Variants in KIF6 observed in about 807,000 individuals in gnomAD.
KIF6 encodes kinesin family member 6.
KIF6 carries 106 observed loss-of-function variants against 112.7 expected under a neutral mutation model. The observed-to-expected ratio is 0.94, with a 90% CI of 0.80 to 1.11. KIF6 has a LOEUF of 1.11. KIF6 is among the 50% of genes least tolerant of loss of function. KIF6 has a pLI of 0.00. For synonymous variants in KIF6, 339 were observed against 339.9 expected, an observed-to-expected ratio of 1.00 and a Z score of 0.03; for missense variants, 929 against 964.0, an observed-to-expected ratio of 0.96 and a Z score of 0.48.
chr6:39,478,092 T>G (rs1774548996), intron 13 of KIF6, among the ~76,000 whole-genome samples: 1 of 152,164 alleles, frequency 6.6e-6, no homozygotes, highest in African/African-American at 2.4e-5. Context: ...GGTATTTGGT[T>G]ACATGAGTAA....
At chr6:39,588,466 G>T (rs111771615) in intron 7 of KIF6, among the ~76,000 whole-genome samples, 2,095 of 152,134 alleles carry the variant, frequency 0.014, 47 homozygotes, top group African/African-American at 0.048. Flanking sequence ...CACCCGCCTC[G>T]GCCTCCCAAA....
chr6:39,399,985 A>G (rs1179926652), intron 15 of KIF6, among the ~76,000 whole-genome samples: 1 of 152,246 alleles, frequency 6.6e-6, no homozygotes, highest in Non-Finnish European at 1.5e-5. Flanking sequence ...TAAGGAAGAC[A>G]GAGGGGAAGG....
chr6:39,652,659 G>A (rs1016645336), intron 3 of KIF6, among the ~76,000 whole-genome samples: 1 of 151,826 alleles, frequency 6.6e-6, no homozygotes, highest in Non-Finnish European at 1.5e-5. Flanking sequence ...CTGAACTTAT[G>A]TTTTTTTTCT....
intron 15 of KIF6, among the ~76,000 whole-genome samples, chr6:39,386,964 G>A (rs1378657104): frequency 6.6e-6 from 1 of 152,182 alleles, no homozygotes; most frequent in Non-Finnish European, 1.5e-5. Context: ...CAAGGCTATA[G>A]CTGAATTGAG....
intron 10 of KIF6, among the ~76,000 whole-genome samples, chr6:39,571,732 A>G (rs1780650853): frequency 6.6e-6 from 1 of 152,174 alleles, no homozygotes; most frequent in Non-Finnish European, 1.5e-5. Context: ...GTCACCATTC[A>G]TCTGTCTAGT....
At chr6:39,540,965 A>G (rs925777629) in intron 12 of KIF6, among the ~76,000 whole-genome samples, 2 of 152,238 alleles carry the variant, frequency 1.3e-5, no homozygotes, top group Admixed American at 1.3e-4. Context: ...CACGATGCCT[A>G]GAACTCTAAG....
intron 5 of KIF6, among the ~76,000 whole-genome samples, chr6:39,632,222 C>T (rs150244714): frequency 1.7e-3 from 262 of 152,118 alleles, no homozygotes; most frequent in Non-Finnish European, 2.8e-3. Flanking sequence ...GTGAGAAGAG[C>T]GTCTCGCAGG....
rs151208135 is a variant in KIF6 at position 39,403,408 on chromosome 6, A to T, written c.1810+16540T>A. 5.4e-3 allele frequency among the ~76,000 whole-genome samples: 827 copies of T among 152,312 alleles called. 3 individuals are homozygous for T. The highest frequency in any genetic ancestry group is 0.019 in the African/African-American group (784 of 41,574). On this transcript the variant is annotated intron_variant, in intron 15 of 22. Transcript: ENST00000287152. ...GAATGTCATATAGCTGGAATCAGAT[A>T]GTAGGAGGCTTTATGAGACTGGCTT...
At chr6:39,421,069 G>C (rs1048010115) in intron 14 of KIF6, among the ~76,000 whole-genome samples, 1 of 152,160 alleles carries the variant, frequency 6.6e-6, no homozygotes, top group Non-Finnish European at 1.5e-5. Flanking sequence ...TCTCCTTTCT[G>C]CCATGAAGTT....
At chr6:39,700,872 C>T (rs1253499999) in intron 3 of KIF6, among the ~76,000 whole-genome samples, 1 of 152,096 alleles carries the variant, frequency 6.6e-6, no homozygotes, top group African/African-American at 2.4e-5. Context: ...GCCACCACAC[C>T]CAGCTAACTT....
At chr6:39,724,499 A>G (rs1790421476) in intron 1 of KIF6, among the ~76,000 whole-genome samples, 1 of 151,414 alleles carries the variant, frequency 6.6e-6, no homozygotes, top group Non-Finnish European at 1.5e-5. Context: ...ATCATTGCTC[A>G]GAGTCAGGGC....
chr6:39,353,215 C>T (rs1467492467), intron 19 of KIF6, among the ~76,000 whole-genome samples: 1 of 152,206 alleles, frequency 6.6e-6, no homozygotes, highest in Non-Finnish European at 1.5e-5. Context: ...TATTGCTCAA[C>T]ATCCTCACTG....
At chr6:39,638,593 G>C (rs1784746259) in intron 4 of KIF6, among the ~76,000 whole-genome samples, 1 of 152,054 alleles carries the variant, frequency 6.6e-6, no homozygotes, top group African/African-American at 2.4e-5. Context: ...ATGGATAATT[G>C]CTACTTTATG....
chr6:39,686,051 T>A (rs964657351), intron 3 of KIF6, among the ~76,000 whole-genome samples: 4 of 152,232 alleles, frequency 2.6e-5, no homozygotes, highest in African/African-American at 7.2e-5. Flanking sequence ...TTTTAAACCA[T>A]CTCTGTACGT....
At chr6:39,615,877 A>C (rs1269603975) in intron 5 of KIF6, among the ~76,000 whole-genome samples, 1 of 152,192 alleles carries the variant, frequency 6.6e-6, no homozygotes, top group African/African-American at 2.4e-5. Flanking sequence ...CTGACCATGC[A>C]GTTGGTGAGT....
intron 15 of KIF6, among the ~76,000 whole-genome samples, chr6:39,390,509 C>T (rs1040296181): frequency 5.9e-5 from 9 of 152,152 alleles, no homozygotes; most frequent in African/African-American, 2.2e-4. Flanking sequence ...AATGCAGAGG[C>T]CAAGTATATA....
chr6:39,403,630 T>C (rs1210123470), intron 15 of KIF6, among the ~76,000 whole-genome samples: 1 of 152,208 alleles, frequency 6.6e-6, no homozygotes, highest in Non-Finnish European at 1.5e-5. Context: ...GCATACAAGT[T>C]TGTGTGTGAA....
chr6:39,409,892 C>T (rs1769359614), intron 15 of KIF6, among the ~76,000 whole-genome samples: 1 of 152,190 alleles, frequency 6.6e-6, no homozygotes, highest in Non-Finnish European at 1.5e-5. Context: ...CTGACAAAAC[C>T]CTCTTCCCCA....
At chr6:39,352,496 T>C (rs776589306) in intron 19 of KIF6, among the ~76,000 whole-genome samples, 1 of 152,230 alleles carries the variant, frequency 6.6e-6, no homozygotes, top group Non-Finnish European at 1.5e-5. Context: ...ATTTTGCCTG[T>C]TCCAGAATGT....
Sources: gnomAD v4.1 joint callset for allele counts (sites outside exome capture counted in the v4.1 genomes callset) on GRCh38, gnomAD v4.1.1 for gene constraint, MANE v1.5 for transcripts, NCBI Gene and HGNC (gene_info 2026-07-23, HGNC 2026-07-21) for gene names.